RGS6: variants seen among roughly 807,000 people sequenced by gnomAD.
The protein encoded by RGS6 is regulator of G protein signaling 6.
Under a neutral mutation model 78.5 loss-of-function variants are expected in RGS6, and 30 were observed. The ratio of observed to expected loss-of-function variants is 0.38; its 90% CI spans 0.29 to 0.52. The LOEUF (loss-of-function observed/expected upper bound fraction) is 0.52. Ranked by LOEUF, RGS6 falls within the 20% of genes least tolerant of loss-of-function variation. The pLI, the probability that RGS6 is intolerant of heterozygous loss-of-function variation, is 0.85. For missense variants in RGS6, 495 were observed against 609.7 expected (o/e 0.81, Z 1.98); for synonymous variants, 206 against 206.0 (o/e 1.00, Z 0.00).
chr14:72,548,678 C>T (rs189481403), intron 17 of RGS6, among the ~76,000 whole-genome samples: 41 of 152,250 alleles, frequency 2.7e-4, no homozygotes, highest in African/African-American at 9.1e-4. Context: ...ACCCTGGAAG[C>T]CACGTCGGAA....
intron 3 of RGS6, among the ~76,000 whole-genome samples, chr14:72,380,925 C>A (rs2085914513): frequency 6.6e-6 from 1 of 151,974 alleles, no homozygotes; most frequent in Non-Finnish European, 1.5e-5. Flanking sequence ...CCTAGGGTGT[C>A]CAACAATAGA....
intron 9 of RGS6, 22 bp downstream of exon 9, chr14:72,472,975 C>G (rs2096126311): frequency 1.3e-6 from 2 of 1,543,544 alleles, no homozygotes; most frequent in African/African-American, 1.4e-5. Flanking sequence ...CTACTCAATT[C>G]TCTAGATTTT....
At chr14:72,047,871 A>G (rs1020609328) in intron 2 of RGS6, among the ~76,000 whole-genome samples, 4 of 148,160 alleles carry the variant, frequency 2.7e-5, no homozygotes, top group Admixed American at 2.0e-4. Flanking sequence ...GATTACAGGC[A>G]TGTGCCACTA....
At chr14:72,389,754 A>C (rs1430795534) in intron 3 of RGS6, among the ~76,000 whole-genome samples, 1 of 152,180 alleles carries the variant, frequency 6.6e-6, no homozygotes, top group South Asian at 2.1e-4. Context: ...TTGTTTTTCA[A>C]ATGAGAAGGG....
the RGS6 span, among the ~76,000 whole-genome samples, chr14:71,889,863 C>A: frequency 0.27 from 41,434 of 151,996 alleles, 7,513 homozygotes; most frequent in African/African-American, 0.51. Context: ...GTGAGTTCTC[C>A]TAAGATCTAG....
chr14:72,117,712 T>C (rs74900090), intron 2 of RGS6, among the ~76,000 whole-genome samples: 9,205 of 152,240 alleles, frequency 0.06, 322 homozygotes, highest in African/African-American at 0.09. Context: ...TAACTCTGGC[T>C]ACTCAGGGCA....
the RGS6 span, among the ~76,000 whole-genome samples, chr14:71,874,274 G>T: frequency 6.6e-6 from 1 of 151,960 alleles, no homozygotes; most frequent in Admixed American, 6.6e-5. Flanking sequence ...CTATCCATGA[G>T]CATGGAATGT....
intron 2 of RGS6, among the ~76,000 whole-genome samples, chr14:72,056,809 A>G (rs573218850): frequency 2.6e-5 from 4 of 152,344 alleles, no homozygotes; most frequent in African/African-American, 9.6e-5. Flanking sequence ...TACATGAAAC[A>G]CAATAAACTT....
chr14:72,608,989 G>C, the RGS6 span, among the ~76,000 whole-genome samples: 19 of 152,312 alleles, frequency 1.2e-4, no homozygotes, highest in East Asian at 3.3e-3. Flanking sequence ...CTCTACATTT[G>C]CAAGTGAGGT....
the RGS6 span, among the ~76,000 whole-genome samples, chr14:71,876,473 C>CTTTTT: frequency 1.4e-5 from 1 of 72,494 alleles, no homozygotes; most frequent in African/African-American, 6.1e-5. Context: ...GCAACCGCTG[C>CTTTTT]TTTTTTTTTT....
chr14:72,607,802 C>T, the RGS6 span, among the ~76,000 whole-genome samples: 5 of 152,306 alleles, frequency 3.3e-5, no homozygotes, highest in East Asian at 1.9e-4. Context: ...TCCCTGAATG[C>T]GAACATCTCT....
intron 3 of RGS6, among the ~76,000 whole-genome samples, chr14:72,402,420 G>T (rs1333679568): frequency 6.6e-6 from 1 of 152,048 alleles, no homozygotes; most frequent in African/African-American, 2.4e-5. Context: ...AATAAACAGG[G>T]TTGTGACTAA....
intron 2 of RGS6, among the ~76,000 whole-genome samples, chr14:72,129,688 C>T (rs569519806): frequency 6.8e-4 from 103 of 152,240 alleles, no homozygotes; most frequent in South Asian, 3.7e-3. Flanking sequence ...CCAGCAGAGC[C>T]GCTGAACTTC....
intron 14 of RGS6, chr14:72,511,485 T>G (rs2096877356): frequency 1.3e-5 from 2 of 152,244 alleles, no homozygotes; most frequent in Non-Finnish European, 2.9e-5. Context: ...TGTAACGACC[T>G]TGTAGGTCCT....
At chr14:71,911,616 G>T in the RGS6 span, among the ~76,000 whole-genome samples, 274 of 152,310 alleles carry the variant, frequency 1.8e-3, no homozygotes, top group Admixed American at 3.7e-3. Context: ...TGAGCCTGGG[G>T]TACTGATTAA....
In RGS6 at chr14:72,005,541, G is replaced by A. The variant is rs367680223; in HGVS notation, c.84+40666G>A. On this transcript the variant is annotated intron_variant, in intron 2 of 17. Coordinates refer to ENST00000553525, the MANE Select transcript of RGS6 (RefSeq NM_001204424.2). ...ATTAGTAGTTATCCCTAGAATTTGA[G>A]GTCACGGGTGATTTTTATTTTCTTT... 4.7e-4 allele frequency among the ~76,000 whole-genome samples: 72 copies of A among 151,910 alleles called. 2 individuals carry two copies. The South Asian group carries it at 0.015, about 31-fold the overall frequency.
intron 2 of RGS6, among the ~76,000 whole-genome samples, chr14:72,019,619 TA>T (rs11333232): frequency 0.91 from 137,833 of 152,238 alleles, 62,619 homozygotes; most frequent in East Asian, 0.98. Flanking sequence ...GTTTTAAAGA[TA>T]ATACTGTCAT....
At chr14:72,017,575 G>T (rs1030623694) in intron 2 of RGS6, among the ~76,000 whole-genome samples, 23 of 152,082 alleles carry the variant, frequency 1.5e-4, no homozygotes, top group Admixed American at 2.0e-4. Flanking sequence ...TACCTAGTTT[G>T]CAAAGCCTAA....
At chr14:71,892,450 C>T in the RGS6 span, among the ~76,000 whole-genome samples, 11 of 152,198 alleles carry the variant, frequency 7.2e-5, no homozygotes, top group Middle Eastern at 3.2e-3. Flanking sequence ...ACAGGATGCT[C>T]ATATGAGCTG....
Sources: allele counts gnomAD v4.1 joint callset (sites outside exome capture counted in the v4.1 genomes callset), GRCh38; gene constraint gnomAD v4.1.1; transcripts MANE v1.5; gene names NCBI Gene and HGNC (gene_info 2026-07-23, HGNC 2026-07-21).